SLC44A5: variants seen among roughly 807,000 people sequenced by gnomAD.
SLC44A5 encodes choline transporter-like protein 5.
SLC44A5 carries 57 observed loss-of-function variants against 101.8 expected under a neutral mutation model. That is an observed-to-expected ratio of 0.56 (90% CI 0.45 to 0.70). The LOEUF is 0.70. Ranked by LOEUF, SLC44A5 falls within the 30% of genes least tolerant of loss-of-function variation. The probability of loss-of-function intolerance (pLI) is 0.00; values close to 1 mark genes in which losing one functional copy is unlikely to be tolerated. For missense variants in SLC44A5, 737 were observed against 853.1 expected, an observed-to-expected ratio of 0.86 and a Z score of 1.70; for synonymous variants, 281 against 290.9, an observed-to-expected ratio of 0.97 and a Z score of 0.35.
chr1:75,205,530 C>T (rs12132601), intron 23 of SLC44A5: 17,464 of 152,162 alleles, frequency 0.11, 1,252 homozygotes, highest in Middle Eastern at 0.21. Context: ...AAACCTCAGG[C>T]GGCCAGCGGT....
At chr1:75,352,961 T>C (rs188222357) in intron 3 of SLC44A5, among the ~76,000 whole-genome samples, 296 of 152,322 alleles carry the variant, frequency 1.9e-3, no homozygotes, top group Middle Eastern at 3.4e-3. Context: ...ATGATCATCA[T>C]TTATTTGCTT....
the SLC44A5 span, among the ~76,000 whole-genome samples, chr1:75,660,688 T>G: frequency 6.6e-6 from 1 of 152,030 alleles, no homozygotes; most frequent in African/African-American, 2.4e-5. Flanking sequence ...TCTGAAAAAG[T>G]AATCAAGAAA....
At chr1:75,271,497 T>TTTTTTTTG (rs1553152601) in intron 6 of SLC44A5, among the ~76,000 whole-genome samples, 1 of 146,400 alleles carries the variant, frequency 6.8e-6, no homozygotes, top group East Asian at 2.1e-4. Context: ...TCTGCATGTT[T>TTTTTTTTG]TGTGTGTGTG....
chr1:75,627,819 C>T, the SLC44A5 span, among the ~76,000 whole-genome samples: 33 of 150,566 alleles, frequency 2.2e-4, no homozygotes, highest in Admixed American at 2.2e-3. Flanking sequence ...TTCCCATTTG[C>T]ACAGGAAAGG....
intron 2 of SLC44A5, among the ~76,000 whole-genome samples, chr1:75,405,519 G>C (rs921285645): frequency 2.6e-5 from 4 of 152,158 alleles, no homozygotes; most frequent in African/African-American, 9.7e-5. Flanking sequence ...TCAGACCACA[G>C]TGCAATCAAA....
intron 2 of SLC44A5, among the ~76,000 whole-genome samples, chr1:75,471,304 T>C (rs1331076713): frequency 6.6e-6 from 1 of 152,064 alleles, no homozygotes; most frequent in Non-Finnish European, 1.5e-5. Context: ...TGGATTGCTG[T>C]TTCATTTGAA....
At chr1:75,297,807 C>T (rs1654084644) in intron 5 of SLC44A5, among the ~76,000 whole-genome samples, 1 of 152,164 alleles carries the variant, frequency 6.6e-6, no homozygotes, top group Non-Finnish European at 1.5e-5. Context: ...TACCCAGACG[C>T]CACTTCATCC....
intron 3 of SLC44A5, among the ~76,000 whole-genome samples, chr1:75,354,146 G>T (rs922318035): frequency 6.6e-6 from 1 of 152,178 alleles, no homozygotes; most frequent in Non-Finnish European, 1.5e-5. Flanking sequence ...AATCACTATA[G>T]ATGTCTGTTT....
At chr1:75,562,448 AC>A (rs1672568592) in intron 1 of SLC44A5, among the ~76,000 whole-genome samples, 1 of 152,130 alleles carries the variant, frequency 6.6e-6, no homozygotes, top group Non-Finnish European at 1.5e-5. Context: ...CTGTAATCAT[AC>A]CACTTTGGGA....
chr1:75,329,811 A>G (rs1024027541), intron 4 of SLC44A5, among the ~76,000 whole-genome samples: 10 of 152,124 alleles, frequency 6.6e-5, no homozygotes, highest in African/African-American at 2.4e-4. Context: ...TCTACTTTGT[A>G]TGGTACATGC....
intron 4 of SLC44A5, among the ~76,000 whole-genome samples, chr1:75,336,130 C>T (rs533652206): frequency 1.1e-4 from 16 of 152,014 alleles, no homozygotes; most frequent in Non-Finnish European, 2.2e-4. Context: ...CCTTGGACAG[C>T]GTTCTGTTTG....
chr1:75,615,595 A>G (rs1675844325), upstream of SLC44A5, among the ~76,000 whole-genome samples: 1 of 152,072 alleles, frequency 6.6e-6, no homozygotes, highest in Non-Finnish European at 1.5e-5. Flanking sequence ...CTCGCCGAGT[A>G]GCAAAGGGGT....
At chr1:75,227,658 T>C in intron 13 of SLC44A5, 68 bp downstream of exon 13, 1 of 1,356,942 alleles carries the variant, frequency 7.4e-7, no homozygotes. Flanking sequence ...AACCCAAGTT[T>C]TCCTTTAGGC....
At chr1:75,560,973 A>T (rs1373227028) in intron 1 of SLC44A5, among the ~76,000 whole-genome samples, 1 of 152,182 alleles carries the variant, frequency 6.6e-6, no homozygotes, top group Non-Finnish European at 1.5e-5. Flanking sequence ...AAAAGTCCTA[A>T]TAATAAGGTT....
At chr1:75,344,991 C>A (rs1197589912) in intron 3 of SLC44A5, among the ~76,000 whole-genome samples, 1 of 151,982 alleles carries the variant, frequency 6.6e-6, no homozygotes, top group Non-Finnish European at 1.5e-5. Context: ...ACATAGCAGG[C>A]ATTCAGTAAA....
chr1:75,558,993 G>C (rs1401510367), intron 1 of SLC44A5, among the ~76,000 whole-genome samples: 6 of 152,044 alleles, frequency 3.9e-5, no homozygotes, highest in Non-Finnish European at 7.4e-5. Flanking sequence ...TAGAAGTGCA[G>C]CTATTGACTT....
the SLC44A5 span, among the ~76,000 whole-genome samples, chr1:75,639,476 A>G: frequency 2.6e-5 from 4 of 152,120 alleles, no homozygotes; most frequent in African/African-American, 9.7e-5. Context: ...AACTCAGCTC[A>G]GTTTCTAGCC....
At chr1:75,688,279 A>T in the SLC44A5 span, among the ~76,000 whole-genome samples, 3 of 152,182 alleles carry the variant, frequency 2.0e-5, no homozygotes, top group Non-Finnish European at 4.4e-5. Context: ...AGTTGTGGCA[A>T]GACACTGACC....
intron 6 of SLC44A5, among the ~76,000 whole-genome samples, chr1:75,266,653 T>C (rs1651017079): frequency 6.6e-6 from 1 of 152,236 alleles, no homozygotes; most frequent in African/African-American, 2.4e-5. Flanking sequence ...ATCTTTAAGC[T>C]GACCTCCACT....
Sources: gnomAD v4.1 joint callset for allele counts (sites outside exome capture counted in the v4.1 genomes callset) on GRCh38, gnomAD v4.1.1 for gene constraint, MANE v1.5 for transcripts, NCBI Gene and HGNC (gene_info 2026-07-23, HGNC 2026-07-21) for gene names.